Variants in GIMAP8 observed in about 807,000 individuals in gnomAD.
GIMAP8 encodes GTPase, IMAP family member 8.
In GIMAP8, 29 loss-of-function variants were observed where a neutral mutation model predicts 35.6. That is an observed-to-expected ratio of 0.81 (90% CI 0.61 to 1.11). The LOEUF is 1.11. Ranked by LOEUF, GIMAP8 falls within the 50% of genes most tolerant of loss-of-function variation. The pLI, the probability that GIMAP8 is intolerant of heterozygous loss-of-function variation, is 0.00. For synonymous variants in GIMAP8, 335 were observed against 308.7 expected (o/e 1.09, Z -0.89); for missense variants, 811 against 805.0 (o/e 1.01, Z -0.09).
chr7:150,474,396 T>C lies in GIMAP8; in HGVS notation c.1067T>C (p.Phe356Ser). The change falls in exon 4 of 5, where the codon TTT becomes TCT. Residue 356 changes from phenylalanine to serine, a missense_variant. Transcript: ENST00000307271. ...TIQNNFGEKF[F>S]EYMIILLTRK... ...CAAAACAATTTTGGAGAAAAATTCT[T>C]TGAGTACATGATCATACTTCTTACC... 6.8e-6 allele frequency: 11 copies of C among 1,614,162 alleles called. No homozygotes were observed. The highest frequency in any genetic ancestry group is 9.3e-6 in the Non-Finnish European group (11 of 1,180,010).
intron 1 of GIMAP8, among the ~76,000 whole-genome samples, chr7:150,452,610 T>C (rs1351708687): frequency 1.9e-4 from 28 of 146,706 alleles, no homozygotes; most frequent in Non-Finnish European, 4.5e-5. Flanking sequence ...TATATGTATG[T>C]ATATATGTAT....
chr7:150,467,649 C>A (rs748440666), intron 2 of GIMAP8, among the ~76,000 whole-genome samples: 3 of 152,134 alleles, frequency 2.0e-5, no homozygotes, highest in African/African-American at 4.8e-5. Context: ...TTGCCCTCTC[C>A]TTGTTCATTT....
rs922821446 is a variant in GIMAP8 at position 150,479,025 on chromosome 7, A to G, written c.*1245A>G. ...CCTAGACAATATCAGGTTACCGTCA[A>G]CATTAATCCATTTAAAAGGACATGG... is the stretch of plus-strand genomic sequence containing the variant. On this transcript the variant is annotated 3_prime_UTR_variant, in exon 5 of 5. Coordinates refer to ENST00000307271, the MANE Select transcript of GIMAP8 (RefSeq NM_175571.4). 2 of 152,250 alleles carry G rather than the reference A, an allele frequency of 1.3e-5. No homozygotes were observed. 9.4% of individuals were successfully genotyped at this position (152,250 alleles called of 1,614,324 possible).
At chr7:150,473,136 T>C (rs1026044446) in intron 3 of GIMAP8, among the ~76,000 whole-genome samples, 2 of 152,218 alleles carry the variant, frequency 1.3e-5, no homozygotes, top group African/African-American at 4.8e-5. Context: ...AGGCTGTTGA[T>C]GACTCAGCCT....
intron 1 of GIMAP8, among the ~76,000 whole-genome samples, chr7:150,465,531 T>C (rs1011171057): frequency 1.6e-4 from 24 of 152,114 alleles, no homozygotes; most frequent in African/African-American, 5.8e-4. Flanking sequence ...CCAGAAGAAA[T>C]TGTACAAGGC....
Position 150,474,434 on chromosome 7 carries a change from T to C in GIMAP8, c.1105T>C (p.Leu369=), listed in dbSNP as rs1465808426. ...CATACTTCTTACCAGGAAAGAAGAT[T>C]TAGGGGATCAGGATCTAGATACGTT... The part of the protein sequence containing the change: ...MIILLTRKED[L]GDQDLDTFLR... The change falls in exon 4 of 5, where the codon TTA becomes CTA. Residue 369 remains leucine (L), a synonymous_variant. Coordinates refer to ENST00000307271, the MANE Select transcript of GIMAP8 (RefSeq NM_175571.4). 1.9e-6 allele frequency: 3 copies of C among 1,613,770 alleles called. No individual in the cohort carries two copies. Among genetic ancestry groups the C allele is most frequent in the Non-Finnish European group, 2.5e-6 (3 of 1,179,824 alleles).
chr7:150,452,668 T>A (rs1387116120), intron 1 of GIMAP8, among the ~76,000 whole-genome samples: 4 of 94,092 alleles, frequency 4.3e-5, no homozygotes, highest in African/African-American at 1.7e-4. Flanking sequence ...TGTGTGTGTG[T>A]GTGTGAGATA....
chr7:150,455,369 G>A (rs549619633), intron 1 of GIMAP8, among the ~76,000 whole-genome samples: 1 of 152,200 alleles, frequency 6.6e-6, no homozygotes, highest in Non-Finnish European at 1.5e-5. Context: ...GGTGTTGGGA[G>A]TTGCTCAGTC....
intron 1 of GIMAP8, among the ~76,000 whole-genome samples, chr7:150,457,453 T>G (rs1018785546): frequency 1.3e-5 from 2 of 152,196 alleles, no homozygotes; most frequent in African/African-American, 4.8e-5. Flanking sequence ...GCTTAAATTA[T>G]GAAAGAAAGG....
intron 4 of GIMAP8, 52 bp from the exon 5 acceptor site, chr7:150,477,040 C>A: frequency 7.0e-7 from 1 of 1,425,138 alleles, no homozygotes; most frequent in Non-Finnish European, 9.7e-7. Context: ...ACTTTAAAAT[C>A]CAATTTCAGA....
chr7:150,477,247 G>A lies in GIMAP8; in HGVS notation c.1465G>A (p.Val489Met), dbSNP rs1202631797. 1 of 1,614,022 alleles carries A rather than the reference G, an allele frequency of 6.2e-7. No individual in the cohort carries two copies. Among genetic ancestry groups the A allele is most frequent in the Non-Finnish European group, 8.5e-7 (1 of 1,180,034 alleles). ...SGRRTWDGQE[V>M]VVVDTPSFNQ... ...CAGGAGGACATGGGACGGACAGGAG[G>A]TGGTGGTTGTGGACACTCCTTCCTT... The change falls in exon 5 of 5, where the codon GTG becomes ATG. Residue 489 changes from valine to methionine, a missense_variant. Transcript: ENST00000307271.
chr7:150,459,187 T>C lies in GIMAP8; in HGVS notation c.-28-7484T>C, dbSNP rs1801792216. 2.0e-5 allele frequency among the ~76,000 whole-genome samples: 3 copies of C among 152,312 alleles called. No homozygotes were observed. The South Asian group carries it at 6.2e-4, about 32-fold the overall frequency. On this transcript the variant is annotated intron_variant, in intron 1 of 4. Transcript: ENST00000307271. ...CTACACTAAGAGATGCCCTAAGGGA[T>C]TTCCTGTATTCCATATTCTTTCTTA...
rs983550663 is a variant in GIMAP8 at position 150,466,808 on chromosome 7, A to C, written c.110A>C (p.Lys37Thr). 1 of 1,614,264 alleles carries C rather than the reference A, an allele frequency of 6.2e-7. No homozygotes were observed. The change falls in exon 2 of 5, where the codon AAG (lysine) becomes ACG (threonine). Residue 37 changes from lysine to threonine, a missense_variant. By Grantham distance (78) the Lys-to-Thr change is moderately conservative (BLOSUM62 -1). Transcript: ENST00000307271. ...GCCATTCTGGGCAAACATGTGTTCAAGTCCAAGTTCAGTGATCAGACAGTG... is the reference window on the plus strand; with the variant it reads ...GCCATTCTGGGCAAACATGTGTTCACGTCCAAGTTCAGTGATCAGACAGTG... ...GNAILGKHVF[K>T]SKFSDQTVIK...
In GIMAP8 at chr7:150,467,325, C is replaced by T; in HGVS notation, c.627C>T (p.Ser209=). Residue 209 remains serine (S), a synonymous_variant, in exon 2 of 5, where the codon AGC becomes AGT. Coordinates refer to ENST00000307271, the MANE Select transcript of GIMAP8 (RefSeq NM_175571.4). The part of the protein sequence containing the change: ...PYHVNFKTEG[S]RFQDCVNEAA... ...ATGTGAACTTCAAAACTGAAGGCAG[C>T]AGGTTTCAAGTAAGAATTTTGTTAA... The T allele has an allele frequency of 6.2e-7, 1 of 1,609,252 alleles. No homozygotes were observed. Among genetic ancestry groups the T allele is most frequent in the Non-Finnish European group, 8.5e-7 (1 of 1,176,432 alleles).
chr7:150,470,981 C>G, intron 3 of GIMAP8, 107 bp downstream of exon 3: 2 of 795,920 alleles, frequency 2.5e-6, no homozygotes, highest in Admixed American at 4.2e-5. Flanking sequence ...GAAAATTCAC[C>G]CTGGGGACCT....
At position 150,451,599 on chromosome 7, in the gene GIMAP8, G is replaced by T. The variant is rs1425738680; in HGVS notation, c.-29+424G>T. The stretch of plus-strand genomic sequence containing the variant: ...GAGGAGGGCTGAGACTGGCAGAAGG[G>T]AGGAAGAAGCAGGCGGAAGCAGCCG... On this transcript the variant is annotated intron_variant, in intron 1 of 4. Coordinates refer to ENST00000307271, the MANE Select transcript of GIMAP8 (RefSeq NM_175571.4). The surrounding 1 kb of genome is among the most constrained non-coding windows in gnomAD (Gnocchi z 4.1). 6.6e-6 allele frequency among the ~76,000 whole-genome samples: 1 copy of T among 152,294 alleles called. No homozygotes were observed. The highest frequency in any genetic ancestry group is 2.1e-4 in the South Asian group (1 of 4,828).
At chr7:150,471,016 A>G in intron 3 of GIMAP8, 142 bp downstream of exon 3, 1 of 670,528 alleles carries the variant, frequency 1.5e-6, no homozygotes, top group Non-Finnish European at 2.7e-6. Flanking sequence ...CCCACAAGCT[A>G]TCCCCTAGGA....
At chr7:150,464,373 AATGT>A (rs1801907301) in intron 1 of GIMAP8, among the ~76,000 whole-genome samples, 1 of 152,180 alleles carries the variant, frequency 6.6e-6, no homozygotes, top group Non-Finnish European at 1.5e-5. Context: ...AGATGATGCA[AATGT>A]ATGTGTGTAT....
chr7:150,451,918 A>G lies in GIMAP8; in HGVS notation c.-29+743A>G, dbSNP rs904965736. Among the ~76,000 whole-genome samples the G allele has an allele frequency of 3.9e-5, 6 of 152,166 alleles. No individual in the cohort carries two copies. The highest frequency in any genetic ancestry group is 1.4e-4 in the African/African-American group (6 of 41,416). The stretch of plus-strand genomic sequence containing the variant: ...ATGGTTGCCCTGCTGGGCTGGGTCT[A>G]AGGTCTTCCCCACGCTGGGCTCTGG... On this transcript the variant is annotated intron_variant, in intron 1 of 4. Transcript: ENST00000307271. This position sits in a 1 kb window ranked among gnomAD's most constrained non-coding sequence, Gnocchi z 4.1.
Sources: allele counts gnomAD v4.1 joint callset (sites outside exome capture counted in the v4.1 genomes callset), GRCh38; gene constraint gnomAD v4.1.1; non-coding constraint Gnocchi (gnomAD v3.1); transcripts MANE v1.5; gene names NCBI Gene and HGNC (gene_info 2026-07-23, HGNC 2026-07-21).